Variants in SAMD12 observed in about 807,000 individuals in gnomAD.
SAMD12 encodes sterile alpha motif domain-containing protein 12.
Under a neutral mutation model 15.0 loss-of-function variants are expected in SAMD12, and 9 were observed. The observed-to-expected ratio is 0.60, with a 90% confidence interval of 0.36 to 1.05. The LOEUF is 1.05. Ranked by LOEUF, SAMD12 falls within the 50% of genes least tolerant of loss-of-function variation. The pLI is 0.01. For missense variants in SAMD12, 230 were observed against 234.2 expected (o/e 0.98, Z 0.12); for synonymous variants, 86 against 90.1 (o/e 0.96, Z 0.25).
chr8:118,467,506 G>A (rs895976516), intron 2 of SAMD12, among the ~76,000 whole-genome samples: 1 of 152,136 alleles, frequency 6.6e-6, no homozygotes, highest in East Asian at 1.9e-4. Context: ...TCCAGATTCT[G>A]TTAGAAAAGT....
At chr8:118,450,788 A>G (rs1823057011) in intron 2 of SAMD12, among the ~76,000 whole-genome samples, 1 of 152,110 alleles carries the variant, frequency 6.6e-6, no homozygotes, top group Non-Finnish European at 1.5e-5. Context: ...GCTTTGACTA[A>G]AAGAATGTGG....
At chr8:118,486,234 G>A (rs1246998836) in intron 2 of SAMD12, among the ~76,000 whole-genome samples, 1 of 150,906 alleles carries the variant, frequency 6.6e-6, no homozygotes, top group Non-Finnish European at 1.5e-5. Flanking sequence ...CTAACACGGT[G>A]AAACTCCGTC....
At chr8:118,482,921 T>C (rs1563887230) in intron 2 of SAMD12, among the ~76,000 whole-genome samples, 1 of 152,222 alleles carries the variant, frequency 6.6e-6, no homozygotes, top group Non-Finnish European at 1.5e-5. Flanking sequence ...TTTTTGAGTA[T>C]TATTCCCAGG....
chr8:118,481,143 C>A (rs1824114676), intron 2 of SAMD12, among the ~76,000 whole-genome samples: 1 of 151,842 alleles, frequency 6.6e-6, no homozygotes, highest in Admixed American at 6.6e-5. Context: ...AGTAGAGAGA[C>A]AGAATCTCAC....
At chr8:118,211,514 A>G (rs188680490) in intron 4 of SAMD12, among the ~76,000 whole-genome samples, 1 of 152,368 alleles carries the variant, frequency 6.6e-6, no homozygotes, top group Admixed American at 6.5e-5. Context: ...GCAAGGGCCA[A>G]GGAATGTTTA....
chr8:118,154,166 A>G, the SAMD12 span, among the ~76,000 whole-genome samples: 1 of 152,070 alleles, frequency 6.6e-6, no homozygotes, highest in Non-Finnish European at 1.5e-5. Context: ...ACACACATAC[A>G]CACACATACA....
chr8:118,411,407 T>C (rs1563839593), intron 3 of SAMD12, among the ~76,000 whole-genome samples: 1 of 152,128 alleles, frequency 6.6e-6, no homozygotes, highest in Admixed American at 6.5e-5. Flanking sequence ...TCACAGTGAG[T>C]GTGGACTCAG....
intron 2 of SAMD12, among the ~76,000 whole-genome samples, chr8:118,552,493 A>C (rs550774710): frequency 6.6e-6 from 1 of 152,220 alleles, no homozygotes; most frequent in African/African-American, 2.4e-5. Context: ...CATGCTAAAA[A>C]CTCTCAATAA....
At chr8:118,600,999 G>A (rs1827850875) in intron 1 of SAMD12, among the ~76,000 whole-genome samples, 1 of 152,042 alleles carries the variant, frequency 6.6e-6, no homozygotes, top group Non-Finnish European at 1.5e-5. Flanking sequence ...CATAACCACA[G>A]TCAACTCCAA....
intron 3 of SAMD12, among the ~76,000 whole-genome samples, chr8:118,402,551 C>T (rs1820919366): frequency 6.6e-6 from 1 of 152,198 alleles, no homozygotes; most frequent in African/African-American, 2.4e-5. Context: ...GGGTCAAAGA[C>T]TGAAGGCTGT....
At chr8:118,359,440 C>T (rs1457726900) in intron 4 of SAMD12, among the ~76,000 whole-genome samples, 1 of 152,182 alleles carries the variant, frequency 6.6e-6, no homozygotes, top group Non-Finnish European at 1.5e-5. Flanking sequence ...TATAATCTCC[C>T]ACCATGTTCC....
intron 4 of SAMD12, among the ~76,000 whole-genome samples, chr8:118,206,402 G>T (rs925803092): frequency 3.3e-5 from 5 of 152,178 alleles, no homozygotes; most frequent in Non-Finnish European, 7.3e-5. Context: ...ATAATACAGT[G>T]CAGTGATCCA....
At chr8:118,261,328 C>T (rs1361409010) in intron 4 of SAMD12, among the ~76,000 whole-genome samples, 1 of 152,120 alleles carries the variant, frequency 6.6e-6, no homozygotes, top group Non-Finnish European at 1.5e-5. Context: ...CTGCTAACCT[C>T]AAACACAAAG....
At chr8:118,420,930 C>T (rs1821967078) in intron 3 of SAMD12, among the ~76,000 whole-genome samples, 1 of 152,170 alleles carries the variant, frequency 6.6e-6, no homozygotes, top group South Asian at 2.1e-4. Context: ...CATTGGAATA[C>T]AACCACTTCT....
intron 3 of SAMD12, among the ~76,000 whole-genome samples, chr8:118,413,346 T>A (rs1314144701): frequency 6.6e-6 from 1 of 152,214 alleles, no homozygotes; most frequent in African/African-American, 2.4e-5. Context: ...ACTGTGTTTC[T>A]AATCATAGAG....
Position 118,439,823 on chromosome 8 carries a change from A to T in SAMD12, c.322+9T>A, listed in dbSNP as rs1186079670. 1.2e-5 allele frequency: 20 copies of T among 1,612,330 alleles called. No individual in the cohort carries two copies. The highest frequency in any genetic ancestry group is 1.6e-5 in the Non-Finnish European group (19 of 1,178,584). On this transcript the variant is annotated intron_variant, in intron 3 of 3. Transcript: ENST00000314727. Reference sequence around the variant, plus strand: ...AGGAGTGAAATATCTGGGATACTGCATACTTTACCAGTTATGTCATGCTGT... The same window carrying T: ...AGGAGTGAAATATCTGGGATACTGCTTACTTTACCAGTTATGTCATGCTGT...
In SAMD12 at chr8:118,197,803, T is replaced by C. The variant is rs1373445915; in HGVS notation, c.434-71A>G. ...GTTTCCAGGCACTGATATGTAGCAATTATCTTATTCAAACAAACCCTAACA... is the reference window on the plus strand; with the variant it reads ...GTTTCCAGGCACTGATATGTAGCAACTATCTTATTCAAACAAACCCTAACA... On this transcript the variant is annotated intron_variant, in intron 4 of 4. Coordinates refer to the SAMD12 transcript ENST00000409003. 5.1e-6 allele frequency: 7 copies of C among 1,369,468 alleles called. No individual in the cohort carries two copies. The Admixed American group carries it at 1.2e-4, about 23-fold the overall frequency. 84.8% of individuals were successfully genotyped at this position (1,369,468 alleles called of 1,614,324 possible). A position where few individuals can be genotyped will look rare whatever the true frequency, so the allele number is the denominator to read the frequency against.
At chr8:118,174,436 T>C in the SAMD12 span, among the ~76,000 whole-genome samples, 1 of 152,132 alleles carries the variant, frequency 6.6e-6, no homozygotes, top group East Asian at 1.9e-4. Flanking sequence ...GACTGGGACA[T>C]GGCATGGGTC....
At chr8:118,521,628 C>T (rs991170257) in intron 2 of SAMD12, among the ~76,000 whole-genome samples, 1 of 151,524 alleles carries the variant, frequency 6.6e-6, no homozygotes, top group African/African-American at 2.4e-5. Flanking sequence ...ACCTTCAGCG[C>T]GTTCTATGCT....
Sources: allele counts gnomAD v4.1 joint callset (sites outside exome capture counted in the v4.1 genomes callset), GRCh38; gene constraint gnomAD v4.1.1; transcripts MANE v1.5; gene names NCBI Gene and HGNC (gene_info 2026-07-23, HGNC 2026-07-21).